PLXDC2: variants seen among roughly 807,000 people sequenced by gnomAD.
PLXDC2 encodes the protein plexin domain containing 2, also known as plexin domain-containing protein 2.
PLXDC2 carries 40 observed loss-of-function variants against 68.9 expected under a neutral mutation model. That is an observed-to-expected ratio of 0.58 (90% CI 0.45 to 0.76). PLXDC2 has a LOEUF of 0.76. PLXDC2 is among the 30% of genes least tolerant of loss of function. The pLI is 0.00. For synonymous variants in PLXDC2, 243 were observed against 234.2 expected (o/e 1.04, Z -0.34); for missense variants, 644 against 661.9 (o/e 0.97, Z 0.30).
intron 4 of PLXDC2, among the ~76,000 whole-genome samples, chr10:20,119,559 G>A (rs1265356202): frequency 1.4e-5 from 2 of 145,958 alleles, no homozygotes; most frequent in Non-Finnish European, 3.0e-5. Context: ...GTACGTGCAG[G>A]TCACAGGGAA....
chr10:20,176,947 T>C, intron 7 of PLXDC2, 52 bp from the exon 8 acceptor site: 1 of 1,344,974 alleles, frequency 7.4e-7, no homozygotes, highest in Non-Finnish European at 1.0e-6. Flanking sequence ...AATGCTGTTG[T>C]TTTGTAAGCG....
intron 4 of PLXDC2, among the ~76,000 whole-genome samples, chr10:20,104,759 G>T (rs1833468190): frequency 6.6e-6 from 1 of 151,866 alleles, no homozygotes; most frequent in South Asian, 2.1e-4. Context: ...TAACATAAGA[G>T]CTTCCAGATC....
chr10:20,082,070 A>AAAACAAAAAC (rs1554765386), intron 4 of PLXDC2, among the ~76,000 whole-genome samples: 2 of 121,932 alleles, frequency 1.6e-5, no homozygotes, highest in Admixed American at 1.0e-4. Context: ...AAATCAAAAA[A>AAAACAAAAAC]AAAAAACAGG....
chr10:19,978,381 A>G (rs1431915670), intron 1 of PLXDC2, among the ~76,000 whole-genome samples: 1 of 151,922 alleles, frequency 6.6e-6, no homozygotes, highest in African/African-American at 2.4e-5. Flanking sequence ...TTTATAGTTT[A>G]TTTTTATTCC....
At chr10:19,841,705 A>G (rs567705520) in intron 1 of PLXDC2, among the ~76,000 whole-genome samples, 1 of 152,208 alleles carries the variant, frequency 6.6e-6, no homozygotes, top group African/African-American at 2.4e-5. Flanking sequence ...GACTTTGAGG[A>G]TTAAATTAGT....
At chr10:20,049,168 T>C (rs1190677344) in intron 3 of PLXDC2, among the ~76,000 whole-genome samples, 1 of 152,096 alleles carries the variant, frequency 6.6e-6, no homozygotes, top group Non-Finnish European at 1.5e-5. Flanking sequence ...ACACCCTTCA[T>C]GTTAAAAACA....
rs566891387 is a variant in PLXDC2 at position 20,269,413 on chromosome 10, A to T, written c.1474-10290A>T. ...TTCCGTCAAATGCTATAAAATACTT[A>T]GAGAGAGAGAATCAGGAGGAATCTC... On this transcript the variant is annotated intron_variant, in intron 13 of 13. Transcript: ENST00000377252. Among the ~76,000 whole-genome samples the T allele has an allele frequency of 6.0e-5, 9 of 148,764 alleles. 1 individual carries two copies. The East Asian group carries it at 1.7e-3, about 29-fold the overall frequency.
intron 4 of PLXDC2, among the ~76,000 whole-genome samples, chr10:20,090,393 G>A (rs1360941781): frequency 1.3e-5 from 2 of 152,144 alleles, no homozygotes; most frequent in African/African-American, 4.8e-5. Flanking sequence ...GCAAGAGGTG[G>A]CCCTGGTGGT....
At chr10:19,912,391 A>G (rs965787) in intron 1 of PLXDC2, among the ~76,000 whole-genome samples, 113,941 of 152,120 alleles carry the variant, frequency 0.75, 43,217 homozygotes, top group African/African-American at 0.86. Flanking sequence ...TAACAAAATG[A>G]GCTAGAACTT....
chr10:19,837,503 A>G (rs375573292), intron 1 of PLXDC2, among the ~76,000 whole-genome samples: 1 of 151,786 alleles, frequency 6.6e-6, no homozygotes, highest in South Asian at 2.1e-4. Flanking sequence ...AAAGTAAAAG[A>G]TGATAAATGG....
chr10:20,257,079 G>A (rs570117800), intron 13 of PLXDC2, among the ~76,000 whole-genome samples: 142 of 152,236 alleles, frequency 9.3e-4, no homozygotes, highest in African/African-American at 3.3e-3. Flanking sequence ...AGGAAGGGAC[G>A]CAAGGATCTC....
intron 1 of PLXDC2, among the ~76,000 whole-genome samples, chr10:19,928,899 C>G (rs955683311): frequency 6.6e-6 from 1 of 151,428 alleles, no homozygotes; most frequent in Admixed American, 6.6e-5. Context: ...GGATTACAGG[C>G]GTGTGCCACC....
intron 2 of PLXDC2, among the ~76,000 whole-genome samples, chr10:20,030,034 G>A (rs1163821950): frequency 1.3e-5 from 2 of 152,228 alleles, no homozygotes; most frequent in East Asian, 3.9e-4. Flanking sequence ...GTTCCTCTAT[G>A]CCAAATGAAG....
intron 1 of PLXDC2, among the ~76,000 whole-genome samples, chr10:19,879,844 T>C (rs934204890): frequency 6.6e-6 from 1 of 152,186 alleles, no homozygotes; most frequent in African/African-American, 2.4e-5. Context: ...TTGGGTTCTC[T>C]TGGCCATTCT....
rs2119408597 is a variant in PLXDC2, at chr10:20,285,747, C to A, written c.*5928C>A. 1 of 152,204 alleles carries A rather than the reference C, an allele frequency of 6.6e-6. No individual in the cohort carries two copies. Among genetic ancestry groups the A allele is most frequent in the Non-Finnish European group, 1.5e-5 (1 of 67,990 alleles). 9.4% of individuals were successfully genotyped at this position (152,204 alleles called of 1,614,324 possible). On this transcript the variant is annotated 3_prime_UTR_variant, in exon 14 of 14. Coordinates refer to ENST00000377252, the MANE Select transcript of PLXDC2 (RefSeq NM_032812.9). Reference sequence around the variant, plus strand: ...CACTGTTTTGAGGTATTCAGAAACACCAGTGTATCAAAAAAGCATTTGCAC... The same window carrying A: ...CACTGTTTTGAGGTATTCAGAAACAACAGTGTATCAAAAAAGCATTTGCAC...
chr10:19,991,126 AT>A (rs1282616784), intron 1 of PLXDC2, among the ~76,000 whole-genome samples: 1 of 151,928 alleles, frequency 6.6e-6, no homozygotes, highest in African/African-American at 2.4e-5. Context: ...CGTGCCTGTA[AT>A]CCCAGCTACT....
At chr10:20,140,405 A>AATATCTATCTGTC (rs201306989) in intron 4 of PLXDC2, among the ~76,000 whole-genome samples, 1 of 12,534 alleles carries the variant, frequency 8.0e-5, no homozygotes, top group African/African-American at 1.5e-4. Flanking sequence ...TATATATAAA[A>AATATCTATCTGTC]TATCTATCTA....
intron 4 of PLXDC2, among the ~76,000 whole-genome samples, chr10:20,096,304 T>C (rs1833348703): frequency 6.6e-6 from 1 of 152,152 alleles, no homozygotes; most frequent in African/African-American, 2.4e-5. Flanking sequence ...CTAGAGAAAC[T>C]AATTGTGGAA....
intron 2 of PLXDC2, among the ~76,000 whole-genome samples, chr10:20,005,630 T>C (rs533221249): frequency 2.0e-5 from 3 of 151,936 alleles, no homozygotes; most frequent in Non-Finnish European, 2.9e-5. Flanking sequence ...GGAGGTGAAG[T>C]GGGAGCAGGC....
Sources: allele counts gnomAD v4.1 joint callset (sites outside exome capture counted in the v4.1 genomes callset), GRCh38; gene constraint gnomAD v4.1.1; transcripts MANE v1.5; gene names NCBI Gene and HGNC (gene_info 2026-07-23, HGNC 2026-07-21).